The following IL1RL2 variants were observed in gnomAD, a reference collection of about 807,000 sequenced individuals.
IL1RL2 encodes interleukin 1 receptor like 2, also known as interleukin-1 receptor-like 2.
Under a neutral mutation model 66.8 loss-of-function variants are expected in IL1RL2, and 68 were observed. The observed-to-expected ratio is 1.02, with a 90% CI of 0.84 to 1.25. The LOEUF is 1.25. Ranked by LOEUF, IL1RL2 falls within the 50% of genes most tolerant of loss-of-function variation. IL1RL2 has a pLI of 0.00. For missense variants in IL1RL2, 729 were observed against 709.3 expected, an observed-to-expected ratio of 1.03 and a Z score of -0.32; for synonymous variants, 305 against 264.6, an observed-to-expected ratio of 1.15 and a Z score of -1.48.
chr2:102,193,723 C>A (rs979265110), intron 4 of IL1RL2, among the ~76,000 whole-genome samples: 6 of 152,284 alleles, frequency 3.9e-5, no homozygotes, highest in African/African-American at 1.4e-4. Context: ...TTTTTAAAAT[C>A]AGTTTGGTGG....
intron 5 of IL1RL2, among the ~76,000 whole-genome samples, chr2:102,204,528 G>C (rs906045319): frequency 6.6e-6 from 1 of 151,948 alleles, no homozygotes; most frequent in African/African-American, 2.4e-5. Flanking sequence ...TTTCTCTTTA[G>C]CTCCAATAAT....
At chr2:102,191,568 C>G (rs1687234914) in intron 3 of IL1RL2, among the ~76,000 whole-genome samples, 1 of 152,190 alleles carries the variant, frequency 6.6e-6, no homozygotes, top group Non-Finnish European at 1.5e-5. Context: ...TGTATTACCT[C>G]CTTCATTGGG....
intron 9 of IL1RL2, among the ~76,000 whole-genome samples, chr2:102,229,227 A>G (rs1185877897): frequency 6.6e-6 from 1 of 152,236 alleles, no homozygotes; most frequent in Non-Finnish European, 1.5e-5. Flanking sequence ...CAAGAAGGAC[A>G]TAACAATTTT....
intron 6 of IL1RL2, 50 bp from the exon 7 acceptor site, chr2:102,218,903 G>C: frequency 6.5e-7 from 1 of 1,546,480 alleles, no homozygotes; most frequent in Non-Finnish European, 8.9e-7. Flanking sequence ...TAACAAATTT[G>C]AAAGTTTGTA....
intron 11 of IL1RL2, 118 bp from the exon 12 acceptor site, chr2:102,239,074 A>G: frequency 2.5e-6 from 2 of 811,968 alleles, no homozygotes; most frequent in Non-Finnish European, 4.3e-6. Context: ...TCAGGGATAT[A>G]CCACCAGATG....
chr2:102,224,555 C>T (rs935980666), intron 8 of IL1RL2, among the ~76,000 whole-genome samples: 2 of 151,988 alleles, frequency 1.3e-5, no homozygotes, highest in Non-Finnish European at 2.9e-5. Context: ...TGGTGGTTAC[C>T]AGAGGCTGGG....
At chr2:102,226,909 G>A (rs986390707) in intron 9 of IL1RL2, among the ~76,000 whole-genome samples, 5 of 152,228 alleles carry the variant, frequency 3.3e-5, no homozygotes, top group Admixed American at 1.3e-4. Context: ...GCCACAGGGC[G>A]GCCTCTATTG....
intron 8 of IL1RL2, among the ~76,000 whole-genome samples, chr2:102,220,457 A>C (rs1690006200): frequency 2.0e-5 from 3 of 152,208 alleles, no homozygotes; most frequent in Admixed American, 2.0e-4. Flanking sequence ...AGGGCTTCCA[A>C]CTCAATGTGT....
intron 11 of IL1RL2, among the ~76,000 whole-genome samples, chr2:102,236,976 A>G (rs1430429466): frequency 1.3e-5 from 2 of 152,206 alleles, no homozygotes; most frequent in Non-Finnish European, 2.9e-5. Context: ...AGGTTTCCAG[A>G]AAATACCTTT....
At chr2:102,197,448 G>A (rs566286250) in intron 4 of IL1RL2, among the ~76,000 whole-genome samples, 4 of 152,230 alleles carry the variant, frequency 2.6e-5, no homozygotes, top group African/African-American at 4.8e-5. Context: ...GCTAATTCCA[G>A]TTAAGATAGA....
At position 102,201,677 on chromosome 2, in the gene IL1RL2, A is replaced by G. The variant is rs1304853140; in HGVS notation, c.611A>G (p.Lys204Arg). The change falls in exon 5 of 12, where the codon AAG becomes AGG. Residue 204 changes from lysine to arginine, a missense_variant. Lys to Arg is a conservative substitution (Grantham distance 26). Transcript: ENST00000264257. The stretch of plus-strand genomic sequence containing the variant: ...CAAGCCATACTGACACACTCAGGGA[A>G]GCAGTACGAGGTTTTAAATGGCATC... ...ACQAILTHSG[K>R]QYEVLNGITV... 1.2e-6 allele frequency: 2 copies of G among 1,614,070 alleles called. No homozygotes were observed. The highest frequency in any genetic ancestry group is 1.7e-6 in the Non-Finnish European group (2 of 1,179,954).
intron 6 of IL1RL2, among the ~76,000 whole-genome samples, chr2:102,212,647 G>A (rs1689270878): frequency 6.6e-6 from 1 of 152,050 alleles, no homozygotes; most frequent in Non-Finnish European, 1.5e-5. Flanking sequence ...TAGATAAAAA[G>A]GCATCAAATT....
chr2:102,208,942 C>G (rs1688929927), intron 5 of IL1RL2, among the ~76,000 whole-genome samples: 1 of 152,190 alleles, frequency 6.6e-6, no homozygotes, highest in Admixed American at 6.5e-5. Context: ...AAGCACCTGC[C>G]TCATCTTGTT....
chr2:102,231,333 G>A (rs1578194957), intron 9 of IL1RL2, among the ~76,000 whole-genome samples: 1 of 151,842 alleles, frequency 6.6e-6, no homozygotes, highest in African/African-American at 2.4e-5. Flanking sequence ...CCCCGTCTCT[G>A]CTAAAAGTAC....
chr2:102,189,496 C>T (rs35433374), intron 3 of IL1RL2, among the ~76,000 whole-genome samples, 186 bp downstream of exon 3: 1,908 of 152,348 alleles, frequency 0.013, 36 homozygotes, highest in African/African-American at 0.041. Flanking sequence ...ATTTTTGGAA[C>T]CTGATATGCA....
Position 102,239,211 on chromosome 2 carries a change from A to G in IL1RL2, c.1698A>G (p.Arg566=), listed in dbSNP as rs756191432. 1 of 1,614,106 alleles carries G rather than the reference A, an allele frequency of 6.2e-7. No individual in the cohort carries two copies. The highest frequency in any genetic ancestry group is 8.5e-7 in the Non-Finnish European group (1 of 1,179,968). ...TTTCAGGCCCAGAACTAGGCTCAAG[A>G]AGAAAGAAGTGTACTCTCACGACTG... ...YRTAGPELGS[R]RKKCTLTTG The change falls in exon 12 of 12, where the codon AGA becomes AGG. Residue 566 remains arginine (R), a synonymous_variant. Transcript: ENST00000264257.
chr2:102,216,141 A>T (rs1689595840), intron 6 of IL1RL2, among the ~76,000 whole-genome samples: 1 of 152,246 alleles, frequency 6.6e-6, no homozygotes, highest in South Asian at 2.1e-4. Flanking sequence ...TAATTTAATG[A>T]AATCAGAAAA....
chr2:102,191,232 T>C (rs1328739494), intron 3 of IL1RL2, among the ~76,000 whole-genome samples: 1 of 152,198 alleles, frequency 6.6e-6, no homozygotes, highest in Non-Finnish European at 1.5e-5. Context: ...AATATTTCAA[T>C]GTATATTTCC....
At chr2:102,209,707 A>G (rs546153021) in intron 5 of IL1RL2, among the ~76,000 whole-genome samples, 92 of 152,264 alleles carry the variant, frequency 6.0e-4, no homozygotes, top group Non-Finnish European at 7.9e-4. Context: ...ATTGGGCTGC[A>G]TTTGTGATGG....
Sources: allele counts gnomAD v4.1 joint callset (sites outside exome capture counted in the v4.1 genomes callset), GRCh38; gene constraint gnomAD v4.1.1; transcripts MANE v1.5; gene names NCBI Gene and HGNC (gene_info 2026-07-23, HGNC 2026-07-21).